MACROD2: variants seen among roughly 807,000 people sequenced by gnomAD.
MACROD2 encodes the protein ADP-ribose glycohydrolase MACROD2.
Under a neutral mutation model 70.4 loss-of-function variants are expected in MACROD2, and 36 were observed. The ratio of observed to expected loss-of-function variants is 0.51; its 90% CI spans 0.39 to 0.68. The LOEUF (loss-of-function observed/expected upper bound fraction) is 0.68, where lower values mean the gene tolerates loss of function less well. Ranked by LOEUF, MACROD2 falls within the 30% of genes least tolerant of loss-of-function variation. MACROD2 has a pLI of 0.00. For missense variants in MACROD2, 496 were observed against 538.4 expected, an observed-to-expected ratio of 0.92 and a Z score of 0.78; for synonymous variants, 172 against 178.8, an observed-to-expected ratio of 0.96 and a Z score of 0.30.
chr20:15,040,494 G>A (rs895291018), intron 5 of MACROD2, among the ~76,000 whole-genome samples: 2 of 152,060 alleles, frequency 1.3e-5, no homozygotes, highest in African/African-American at 4.8e-5. Flanking sequence ...GAAGGACTAT[G>A]TTTCTACCAG....
intron 10 of MACROD2, chr20:15,893,840 G>C (rs1280806717): frequency 2.0e-5 from 9 of 456,720 alleles, no homozygotes; most frequent in Non-Finnish European, 3.5e-5. Context: ...GATGGAAGCA[G>C]AAGTGCAGGA....
At chr20:14,740,508 C>T (rs1391082631) in intron 5 of MACROD2, among the ~76,000 whole-genome samples, 1 of 152,040 alleles carries the variant, frequency 6.6e-6, no homozygotes, top group Non-Finnish European at 1.5e-5. Flanking sequence ...CTCAAGAATT[C>T]CCTGACAGTA....
chr20:14,006,041 A>G (rs563030786), intron 2 of MACROD2, among the ~76,000 whole-genome samples: 10 of 152,186 alleles, frequency 6.6e-5, no homozygotes, highest in East Asian at 5.8e-4. Flanking sequence ...TATTTTTACT[A>G]TGCCTTTTCT....
chr20:14,662,862 T>C (rs746873537), intron 4 of MACROD2, among the ~76,000 whole-genome samples: 5 of 151,192 alleles, frequency 3.3e-5, no homozygotes, highest in Non-Finnish European at 5.9e-5. Flanking sequence ...TGTGGAGAAA[T>C]ACACTGTTGA....
chr20:15,932,859 C>CT (rs914640881), intron 10 of MACROD2, among the ~76,000 whole-genome samples: 13 of 151,956 alleles, frequency 8.6e-5, no homozygotes, highest in Non-Finnish European at 1.8e-4. Flanking sequence ...GAAAATTGAC[C>CT]TTTTTTTTGC....
At chr20:14,504,826 G>T (rs2123132236) in intron 4 of MACROD2, among the ~76,000 whole-genome samples, 1 of 152,222 alleles carries the variant, frequency 6.6e-6, no homozygotes, top group East Asian at 1.9e-4. Context: ...AAACTATAAA[G>T]AAGTCCTCTT....
intron 3 of MACROD2, among the ~76,000 whole-genome samples, chr20:14,383,218 G>T (rs2083439636): frequency 6.6e-6 from 1 of 152,128 alleles, no homozygotes; most frequent in Non-Finnish European, 1.5e-5. Context: ...TATAGTTTCT[G>T]CACTTGTCAT....
chr20:14,563,807 C>T (rs115692875), intron 4 of MACROD2, among the ~76,000 whole-genome samples: 1 of 151,892 alleles, frequency 6.6e-6, no homozygotes, highest in Non-Finnish European at 1.5e-5. Flanking sequence ...GCAATCCTAT[C>T]AAATTACCAA....
At chr20:16,002,042 TTATA>T (rs933156808) in intron 15 of MACROD2, among the ~76,000 whole-genome samples, 9 of 86,124 alleles carry the variant, frequency 1.0e-4, no homozygotes, top group African/African-American at 2.4e-4. Flanking sequence ...ATAATGTGTC[TTATA>T]TATATATATA....
chr20:14,094,135 G>A (rs1294817814), intron 3 of MACROD2, among the ~76,000 whole-genome samples: 2 of 152,106 alleles, frequency 1.3e-5, no homozygotes, highest in Non-Finnish European at 2.9e-5. Flanking sequence ...AAGCAGAAAT[G>A]AAACTATTTA....
intron 2 of MACROD2, among the ~76,000 whole-genome samples, chr20:14,083,641 G>C (rs990202954): frequency 4.6e-5 from 7 of 152,026 alleles, no homozygotes; most frequent in African/African-American, 1.7e-4. Flanking sequence ...AAATAGTACT[G>C]TAGGAGTCCC....
rs188211048 is a variant in MACROD2, at chr20:15,852,581, G to A, written c.646-10164G>A. On this transcript the variant is annotated intron_variant, in intron 8 of 17. Coordinates refer to ENST00000684519, the MANE Select transcript of MACROD2 (RefSeq NM_001351661.2). ...GTGCGAACATGGCTAATACTTTCAC[G>A]AAGAAGAACAATGATATTCGGTGAC... 1.4e-3 allele frequency among the ~76,000 whole-genome samples: 212 copies of A among 152,270 alleles called. 3 individuals are homozygous for A. Among genetic ancestry groups the A allele is most frequent in the Non-Finnish European group, 2.1e-3 (146 of 68,004 alleles).
intron 5 of MACROD2, among the ~76,000 whole-genome samples, chr20:14,992,068 A>G (rs2074909452): frequency 6.6e-6 from 1 of 152,206 alleles, no homozygotes; most frequent in African/African-American, 2.4e-5. Context: ...ACTACAAATT[A>G]TAGTAAGAGC....
At chr20:14,133,667 T>C (rs1569173171) in intron 3 of MACROD2, among the ~76,000 whole-genome samples, 1 of 152,222 alleles carries the variant, frequency 6.6e-6, no homozygotes, top group Non-Finnish European at 1.5e-5. Context: ...ACAACTTATG[T>C]ATACCTTGAT....
At chr20:14,779,280 G>C (rs552021104) in intron 5 of MACROD2, among the ~76,000 whole-genome samples, 3 of 152,162 alleles carry the variant, frequency 2.0e-5, no homozygotes, top group Non-Finnish European at 4.4e-5. Context: ...TACTAGTCAC[G>C]CTTTCACTCT....
chr20:14,123,639 G>A lies in MACROD2; in HGVS notation c.271+37911G>A, dbSNP rs572389169. ...AGTGGGCTTTAGAAAATCAAATCTCGTATCTGAAGATAGTGGTAATCATCA... is the reference window on the plus strand; with the variant it reads ...AGTGGGCTTTAGAAAATCAAATCTCATATCTGAAGATAGTGGTAATCATCA... On this transcript the variant is annotated intron_variant, in intron 3 of 17. Transcript: ENST00000684519. Among the ~76,000 whole-genome samples, 28 of 152,242 alleles carry A rather than the reference G, an allele frequency of 1.8e-4. No individual in the cohort carries two copies. The South Asian group carries it at 5.0e-3, about 27-fold the overall frequency.
chr20:15,326,937 T>C (rs73103045), intron 6 of MACROD2, among the ~76,000 whole-genome samples: 9 of 152,272 alleles, frequency 5.9e-5, no homozygotes, highest in Non-Finnish European at 1.3e-4. Context: ...CTTTGGCTAT[T>C]GTAGGGGATG....
intron 5 of MACROD2, among the ~76,000 whole-genome samples, chr20:15,007,164 A>C (rs2075044749): frequency 6.6e-6 from 1 of 152,014 alleles, no homozygotes; most frequent in East Asian, 1.9e-4. Flanking sequence ...GGAGATCAAG[A>C]CCATCCTGGC....
chr20:14,938,643 T>C (rs2074362103), intron 5 of MACROD2, among the ~76,000 whole-genome samples: 1 of 151,966 alleles, frequency 6.6e-6, no homozygotes. Context: ...TAGCCAGGCT[T>C]GATGGCAGGT....
Sources: allele counts gnomAD v4.1 joint callset (sites outside exome capture counted in the v4.1 genomes callset), GRCh38; gene constraint gnomAD v4.1.1; transcripts MANE v1.5; gene names NCBI Gene and HGNC (gene_info 2026-07-23, HGNC 2026-07-21).